The following FBXO41 variants were observed in gnomAD, a reference collection of about 807,000 sequenced individuals.
The protein encoded by FBXO41 is F-box protein 41, also known as F-box only protein 41.
FBXO41 carries 33 observed loss-of-function variants against 81.6 expected under a neutral mutation model. The observed-to-expected ratio is 0.40, with a 90% confidence interval of 0.31 to 0.54. FBXO41 has a LOEUF of 0.54. Ranked by LOEUF, FBXO41 falls within the 20% of genes least tolerant of loss-of-function variation. The pLI is 0.39. For missense variants in FBXO41, 1,107 were observed against 1,236.0 expected, an observed-to-expected ratio of 0.90 and a Z score of 1.56; for synonymous variants, 576 against 552.7, an observed-to-expected ratio of 1.04 and a Z score of -0.59.
chr2:73,275,475 G>A (rs1032614942), intron 1 of FBXO41, among the ~76,000 whole-genome samples: 4 of 152,056 alleles, frequency 2.6e-5, no homozygotes, highest in Non-Finnish European at 4.4e-5. Flanking sequence ...GAGCCACCAC[G>A]CCTGGCCCAT....
chr2:73,280,321 A>T (rs180959147), intron 1 of FBXO41, among the ~76,000 whole-genome samples: 28 of 152,248 alleles, frequency 1.8e-4, no homozygotes, highest in African/African-American at 5.8e-4. Flanking sequence ...GGAGTCTATA[A>T]ATCTCCCAGC....
Position 73,265,489 on chromosome 2 carries a change from G to A in FBXO41, c.1357C>T (p.Arg453Trp), listed in dbSNP as rs374994006. 9.9e-5 allele frequency: 159 copies of A among 1,598,388 alleles called. No homozygotes were observed. Among genetic ancestry groups the A allele is most frequent in the Middle Eastern group, 8.3e-4 (5 of 6,034 alleles). ...CCTGAGCTGCGAGGGGGCTGGGACC[G>A]CTCTGAGCCCCCGTTGGCAGCCTGG... Reference protein sequence around the residue: ...RAQAANGGSERSQPPRSSGLR... With the variant: ...RAQAANGGSEWSQPPRSSGLR... The change falls in exon 5 of 13, where the codon CGG (arginine) becomes TGG (tryptophan). Residue 453 changes from arginine to tryptophan, a missense_variant. Arg to Trp is a moderately radical substitution (Grantham distance 101). Coordinates refer to ENST00000520530, the MANE Select transcript of FBXO41 (RefSeq NM_001371389.2).
rs1301877974 is a variant in FBXO41 at position 73,259,577 on chromosome 2, C to G, written c.2450-281G>C. Among the ~76,000 whole-genome samples the G allele has an allele frequency of 6.6e-6, 1 of 152,082 alleles. No individual in the cohort carries two copies. Reference sequence around the variant, plus strand: ...TTCCCTGACACAGGGGGCAGCTATACCATGGTCTGGGCATTTGGGGATGAA... The same window carrying G: ...TTCCCTGACACAGGGGGCAGCTATAGCATGGTCTGGGCATTTGGGGATGAA... On this transcript the variant is annotated intron_variant, in intron 11 of 12. Coordinates refer to ENST00000520530, the MANE Select transcript of FBXO41 (RefSeq NM_001371389.2). This position sits in a 1 kb window ranked among gnomAD's most constrained non-coding sequence, Gnocchi z 4.2.
At chr2:73,283,380 T>C (rs1459065932) in intron 1 of FBXO41, among the ~76,000 whole-genome samples, 1 of 152,196 alleles carries the variant, frequency 6.6e-6, no homozygotes, top group Non-Finnish European at 1.5e-5. Flanking sequence ...GCACTGCTTT[T>C]TCTGTTCTAA....
chr2:73,273,240 T>C (rs558565270), intron 1 of FBXO41: 6 of 152,312 alleles, frequency 3.9e-5, no homozygotes, highest in Non-Finnish European at 7.3e-5. Context: ...ACTTGGAATG[T>C]CTCCTCCCAG....
chr2:73,266,916 A>G lies in FBXO41; in HGVS notation c.906-234T>C. ...TCACACCCCACCCACCTGGCCCCAG[A>G]CCCTGCTCTCCACAGAAATACTGCA... On this transcript the variant is annotated intron_variant, in intron 2 of 12. Coordinates refer to ENST00000520530, the MANE Select transcript of FBXO41 (RefSeq NM_001371389.2). The surrounding 1 kb of genome is among the most constrained non-coding windows in gnomAD (Gnocchi z 5.3). 2 of 514,698 alleles carry G rather than the reference A, an allele frequency of 3.9e-6. No individual in the cohort carries two copies. The highest frequency in any genetic ancestry group is 4.0e-5 in the South Asian group (1 of 25,238). The allele number at this position is 514,698 out of a possible 1,614,324, so 31.9% of individuals were successfully genotyped here. A position where few individuals can be genotyped will look rare whatever the true frequency, so the allele number is the denominator to read the frequency against.
Position 73,269,460 on chromosome 2 carries a change from G to A in FBXO41, c.171C>T (p.Ala57=), listed in dbSNP as rs1688413665. The change falls in exon 2 of 13, where the codon GCC becomes GCT. Residue 57 remains alanine (A), a synonymous_variant. Transcript: ENST00000520530. This position sits in a 1 kb window ranked among gnomAD's most constrained non-coding sequence, Gnocchi z 7.0. ...GCGGGAACCCCGAGGCAGCGGCGGC[G>A]GCGGCCGCGGCGGCGGCGGCGCCGT... ...ICDGAAAAAA[A]AAAASGFPLA... 2.4e-6 allele frequency: 3 copies of A among 1,258,612 alleles called. No individual in the cohort carries two copies. The highest frequency in any genetic ancestry group is 2.4e-5 in the South Asian group (1 of 41,368). 78.0% of individuals were successfully genotyped at this position (1,258,612 alleles called of 1,614,324 possible). A position where few individuals can be genotyped will look rare whatever the true frequency, so the allele number is the denominator to read the frequency against.
chr2:73,265,673 A>G (rs1339895175), intron 4 of FBXO41, 33 bp from the exon 5 acceptor site: 2 of 1,471,644 alleles, frequency 1.4e-6, no homozygotes. Flanking sequence ...GTAAGGGGTA[A>G]GAGGCACCAG....
Position 73,260,307 on chromosome 2 carries a change from C to T in FBXO41, c.2449+82G>A, listed in dbSNP as rs1687960341. 6.6e-7 allele frequency: 1 copy of T among 1,510,052 alleles called. No homozygotes were observed. Among genetic ancestry groups the T allele is most frequent in the Non-Finnish European group, 9.0e-7 (1 of 1,116,732 alleles). The allele number at this position is 1,510,052 out of a possible 1,614,324, so 93.5% of individuals were successfully genotyped here. ...GGCTGGAGACTCTGATCCATCTGCC[C>T]CAGTGATAGTTAGGATACCTGCTGA... On this transcript the variant is annotated intron_variant, in intron 11 of 12. Transcript: ENST00000520530. This position sits in a 1 kb window ranked among gnomAD's most constrained non-coding sequence, Gnocchi z 5.0.
chr2:73,263,151 T>A lies in FBXO41; in HGVS notation c.2171+62A>T. The A allele has an allele frequency of 2.9e-6, 4 of 1,371,460 alleles. No individual in the cohort carries two copies. In the Admixed American group the frequency reaches 8.3e-5, roughly 28 times the overall value. The allele number at this position is 1,371,460 out of a possible 1,614,324, so 85.0% of individuals were successfully genotyped here. ...GAATGGGCTCAGATCTGCTAAGTCC[T>A]CAGCCCCAGACCAGGCCCAACCGTG... On this transcript the variant is annotated intron_variant, in intron 9 of 12. Transcript: ENST00000520530.
intron 1 of FBXO41, among the ~76,000 whole-genome samples, chr2:73,278,412 C>T (rs1443969861): frequency 6.6e-6 from 1 of 152,208 alleles, no homozygotes; most frequent in Non-Finnish European, 1.5e-5. Context: ...CATTTCTAGC[C>T]TAGATTTCTC....
At chr2:73,268,492 CAG>C (rs1413451984) in intron 2 of FBXO41, among the ~76,000 whole-genome samples, 3 of 152,100 alleles carry the variant, frequency 2.0e-5, no homozygotes, top group African/African-American at 7.2e-5. Flanking sequence ...TTGTCTAGGA[CAG>C]AGAACGAGAA....
Position 73,265,974 on chromosome 2 carries a change from C to G in FBXO41, c.1132-8G>C. On this transcript the variant is annotated splice_region_variant and splice_polypyrimidine_tract_variant and intron_variant, in intron 3 of 12. Coordinates refer to ENST00000520530, the MANE Select transcript of FBXO41 (RefSeq NM_001371389.2). ...GCCCACGTGGTGTTCTCGCTGTGGG[C>G]CCCCAGAGCAGGAGGTAAAGGAGAG... is the stretch of plus-strand genomic sequence containing the variant. The G allele has an allele frequency of 1.3e-6, 2 of 1,566,318 alleles. No individual in the cohort carries two copies. Among genetic ancestry groups the G allele is most frequent in the East Asian group, 2.4e-5 (1 of 42,442 alleles).
chr2:73,278,381 A>C (rs1688753591), intron 1 of FBXO41, among the ~76,000 whole-genome samples: 1 of 152,184 alleles, frequency 6.6e-6, no homozygotes, highest in South Asian at 2.1e-4. Flanking sequence ...AAGTGTCCTA[A>C]CTAATAGTCT....
chr2:73,260,444 C>T lies in FBXO41; in HGVS notation c.2394G>A (p.Glu798=). 1.9e-6 allele frequency: 3 copies of T among 1,609,922 alleles called. No individual in the cohort carries two copies. The highest frequency in any genetic ancestry group is 2.5e-6 in the Non-Finnish European group (3 of 1,178,214). Residue 798 remains glutamate, a synonymous_variant, in exon 11 of 13, where the codon GAG becomes GAA. Transcript: ENST00000520530. The surrounding 1 kb of genome is among the most constrained non-coding windows in gnomAD (Gnocchi z 5.0). ...CGGGAGTCGCCGTGAGCACCAGCAT[C>T]TCCAGTCCCTTCAGGCCTTCCCGGC... ...EVCREGLKGL[E]MLVLTATPVT... is the part of the protein sequence containing the mutation.
At position 73,264,447 on chromosome 2, in the gene FBXO41, A is replaced by G; in HGVS notation, c.1637T>C (p.Ile546Thr). Residue 546 changes from isoleucine (I) to threonine (T), a missense_variant, in exon 6 of 13, where the codon ATC becomes ACC. Ile to Thr is a moderately conservative substitution (Grantham distance 89, BLOSUM62 -1). Transcript: ENST00000520530. ...TCGCATCTTCAGGATCTCTGGGCTG[A>G]TGACCTCATTGGAGCGTGAGGGGCT... is the stretch of plus-strand genomic sequence containing the variant. ...RVSPSRSNEV[I>T]SPEILKMRAA... is the part of the protein sequence containing the mutation. The G allele has an allele frequency of 6.2e-7, 1 of 1,613,966 alleles. No individual in the cohort carries two copies. The highest frequency in any genetic ancestry group is 8.5e-7 in the Non-Finnish European group (1 of 1,179,884).
intron 5 of FBXO41, among the ~76,000 whole-genome samples, chr2:73,264,842 C>T (rs1055179011): frequency 4.6e-5 from 7 of 151,724 alleles, no homozygotes; most frequent in African/African-American, 1.7e-4. Flanking sequence ...GAGTATAAAC[C>T]AGGCCTCTGG....
chr2:73,264,352 C>G lies in FBXO41; in HGVS notation c.1732G>C (p.Asp578His), dbSNP rs369631004. Residue 578 changes from aspartate to histidine, a missense_variant, in exon 6 of 13, where the codon GAC becomes CAC. Transcript: ENST00000520530. Reference protein sequence around the residue: ...TLLHAAEVCRDWRFVARHPAV... With the variant: ...TLLHAAEVCRHWRFVARHPAV... ...GGGTGGCGGGCCACGAAGCGCCAGT[C>G]CCGGCAGACCTCGGCAGCATGCAGC... 1 of 1,613,718 alleles carries G rather than the reference C, an allele frequency of 6.2e-7. No homozygotes were observed. Among genetic ancestry groups the G allele is most frequent in the Non-Finnish European group, 8.5e-7 (1 of 1,179,890 alleles).
intron 1 of FBXO41, among the ~76,000 whole-genome samples, chr2:73,277,180 T>C (rs1356541952): frequency 6.6e-6 from 1 of 152,240 alleles, no homozygotes; most frequent in Non-Finnish European, 1.5e-5. Flanking sequence ...GAGGGACTTC[T>C]GGGGTCCAGG....
Sources: allele counts gnomAD v4.1 joint callset (sites outside exome capture counted in the v4.1 genomes callset), GRCh38; gene constraint gnomAD v4.1.1; non-coding constraint Gnocchi (gnomAD v3.1); transcripts MANE v1.5; gene names NCBI Gene and HGNC (gene_info 2026-07-23, HGNC 2026-07-21).